The following NPAS3 variants were observed in gnomAD, a reference collection of about 807,000 sequenced individuals.
NPAS3 encodes neuronal PAS domain-containing protein 3.
Under a neutral mutation model 73.1 loss-of-function variants are expected in NPAS3, and 14 were observed. The observed-to-expected ratio is 0.19, with a 90% confidence interval of 0.13 to 0.30. The LOEUF (loss-of-function observed/expected upper bound fraction) is 0.30, where lower values mean the gene tolerates loss of function less well. Among genes scored for constraint, NPAS3 ranks in the 10% least tolerant of loss-of-function variants. NPAS3 has a pLI of 1.00. For synonymous variants in NPAS3, 620 were observed against 541.5 expected (o/e 1.14, Z -2.01); for missense variants, 1,096 against 1,250.0 (o/e 0.88, Z 1.86).
chr14:33,447,578 G>A (rs979217149), intron 4 of NPAS3, among the ~76,000 whole-genome samples: 1 of 152,154 alleles, frequency 6.6e-6, no homozygotes, highest in African/African-American at 2.4e-5. Flanking sequence ...ATGGAAAGAA[G>A]AGAAAATAGT....
intron 3 of NPAS3, among the ~76,000 whole-genome samples, chr14:33,307,922 G>A (rs1179986845): frequency 2.0e-5 from 3 of 152,086 alleles, no homozygotes; most frequent in South Asian, 4.1e-4. Context: ...CCAGCCTTCC[G>A]TTGTTGGAAC....
chr14:33,132,674 A>G (rs2043686414), intron 2 of NPAS3, among the ~76,000 whole-genome samples: 1 of 151,954 alleles, frequency 6.6e-6, no homozygotes, highest in Admixed American at 6.6e-5. Flanking sequence ...TCATGAAGGC[A>G]AGTACAGTTG....
At chr14:33,387,567 T>A (rs1334688351) in intron 4 of NPAS3, among the ~76,000 whole-genome samples, 1 of 151,990 alleles carries the variant, frequency 6.6e-6, no homozygotes, top group Non-Finnish European at 1.5e-5. Flanking sequence ...CACATCCAGA[T>A]GTAGAAATTT....
intron 2 of NPAS3, among the ~76,000 whole-genome samples, chr14:33,173,743 T>C (rs2045482538): frequency 6.6e-6 from 1 of 152,250 alleles, no homozygotes; most frequent in Non-Finnish European, 1.5e-5. Context: ...TTTGTGTCTT[T>C]TTGATTTATA....
intron 3 of NPAS3, among the ~76,000 whole-genome samples, chr14:33,336,657 C>T (rs2044241943): frequency 6.6e-6 from 1 of 152,160 alleles, no homozygotes; most frequent in Non-Finnish European, 1.5e-5. Context: ...ATCACATCTG[C>T]AAAATCTCTT....
intron 4 of NPAS3, among the ~76,000 whole-genome samples, chr14:33,476,867 TG>T (rs146881350): frequency 0.039 from 5,943 of 152,268 alleles, 146 homozygotes; most frequent in Middle Eastern, 0.068. Flanking sequence ...CACAGACTTT[TG>T]GGGAACCACT....
chr14:33,367,413 G>T, intron 4 of NPAS3, 145 bp downstream of exon 4: 1 of 529,846 alleles, frequency 1.9e-6, no homozygotes, highest in Admixed American at 3.7e-5. Context: ...ATTCTTATGA[G>T]TTTATTTTTT....
chr14:33,233,347 G>A (rs1420520551), intron 3 of NPAS3, among the ~76,000 whole-genome samples: 1 of 152,146 alleles, frequency 6.6e-6, no homozygotes, highest in Non-Finnish European at 1.5e-5. Context: ...TGAGGGAAAA[G>A]CACCTGACTG....
chr14:33,651,357 G>A (rs1037174230), intron 5 of NPAS3, among the ~76,000 whole-genome samples: 8 of 152,104 alleles, frequency 5.3e-5, no homozygotes, highest in Admixed American at 3.9e-4. Flanking sequence ...TAGGCTAGGT[G>A]GGTAATAAGT....
intron 2 of NPAS3, among the ~76,000 whole-genome samples, chr14:33,140,747 C>A (rs1265322900): frequency 1.3e-5 from 2 of 152,074 alleles, no homozygotes; most frequent in African/African-American, 2.4e-5. Flanking sequence ...CCTTTTCTTG[C>A]TGTAGAACAG....
intron 5 of NPAS3, among the ~76,000 whole-genome samples, chr14:33,596,786 G>A (rs1873077357): frequency 6.6e-6 from 1 of 152,144 alleles, no homozygotes; most frequent in South Asian, 2.1e-4. Flanking sequence ...TCATTCTTCA[G>A]CCATTATATT....
chr14:33,509,366 T>C (rs12889063), intron 4 of NPAS3, among the ~76,000 whole-genome samples: 48,077 of 151,862 alleles, frequency 0.32, 8,752 homozygotes, highest in East Asian at 0.45. Flanking sequence ...TTCTCCTCTA[T>C]TCCATTTTAC....
At chr14:33,724,938 G>A (rs2061222457) in intron 6 of NPAS3, among the ~76,000 whole-genome samples, 1 of 152,054 alleles carries the variant, frequency 6.6e-6, no homozygotes, top group Non-Finnish European at 1.5e-5. Flanking sequence ...TAAGAAAGTT[G>A]AAAGATTAAT....
chr14:33,134,881 T>C (rs2043777346), intron 2 of NPAS3, among the ~76,000 whole-genome samples: 1 of 151,426 alleles, frequency 6.6e-6, no homozygotes, highest in Admixed American at 6.6e-5. Flanking sequence ...TCTCATAATA[T>C]GCTGGTTAAA....
intron 4 of NPAS3, among the ~76,000 whole-genome samples, chr14:33,531,859 G>A (rs538243029): frequency 5.3e-5 from 8 of 152,166 alleles, no homozygotes; most frequent in Non-Finnish European, 1.0e-4. Flanking sequence ...TTTAATCTTA[G>A]CCATTCTGAT....
intron 1 of NPAS3, among the ~76,000 whole-genome samples, chr14:33,020,354 C>A (rs1400323627): frequency 6.6e-6 from 1 of 152,188 alleles, no homozygotes; most frequent in African/African-American, 2.4e-5. Flanking sequence ...TGCTAGCCAG[C>A]TGTATCACCA....
chr14:33,140,392 C>A (rs2044002526), intron 2 of NPAS3, among the ~76,000 whole-genome samples: 1 of 152,042 alleles, frequency 6.6e-6, no homozygotes, highest in South Asian at 2.1e-4. Flanking sequence ...CTATTTTGAG[C>A]TCATTTTGCT....
chr14:32,981,711 T>G (rs2037903310), intron 1 of NPAS3, among the ~76,000 whole-genome samples: 3 of 152,196 alleles, frequency 2.0e-5, no homozygotes, highest in Admixed American at 6.5e-5. Context: ...TCGAGTTTTC[T>G]TACGGCAGCA....
upstream of NPAS3, chr14:32,939,223 C>G (rs2035854602): frequency 2.0e-6 from 1 of 494,976 alleles, no homozygotes; most frequent in African/African-American, 2.1e-5. Context: ...TCTCCCGCCA[C>G]CCCACGCACA....
Sources: allele counts gnomAD v4.1 joint callset (sites outside exome capture counted in the v4.1 genomes callset), GRCh38; gene constraint gnomAD v4.1.1; transcripts MANE v1.5; gene names NCBI Gene and HGNC (gene_info 2026-07-23, HGNC 2026-07-21).